Variants in ACBD6 observed in about 807,000 individuals in gnomAD.
ACBD6 encodes the protein acyl-CoA-binding domain-containing protein 6.
Under a neutral mutation model 37.2 loss-of-function variants are expected in ACBD6, and 28 were observed. The ratio of observed to expected loss-of-function variants is 0.75; its 90% CI spans 0.56 to 1.03. The LOEUF (loss-of-function observed/expected upper bound fraction) is 1.03. Ranked by LOEUF, ACBD6 falls within the 50% of genes least tolerant of loss-of-function variation. The pLI, the probability that ACBD6 is intolerant of heterozygous loss-of-function variation, is 0.00. For missense variants in ACBD6, 340 were observed against 337.4 expected (o/e 1.01, Z -0.06); for synonymous variants, 113 against 126.8 (o/e 0.89, Z 0.73).
At chr1:180,389,187 G>GA (rs1653969596) in intron 6 of ACBD6, among the ~76,000 whole-genome samples, 1 of 152,058 alleles carries the variant, frequency 6.6e-6, no homozygotes, top group Non-Finnish European at 1.5e-5. Flanking sequence ...AGAGTGTGAT[G>GA]TCCCCTTCCT....
At chr1:180,432,434 G>T (rs907351346) in intron 3 of ACBD6, among the ~76,000 whole-genome samples, 1 of 151,928 alleles carries the variant, frequency 6.6e-6, no homozygotes, top group African/African-American at 2.4e-5. Flanking sequence ...AATGAAAAAC[G>T]AGTAAAAGAT....
intron 6 of ACBD6, among the ~76,000 whole-genome samples, chr1:180,351,449 G>A (rs911759000): frequency 6.6e-6 from 1 of 151,738 alleles, no homozygotes; most frequent in Admixed American, 6.6e-5. Flanking sequence ...CTAATTTTTT[G>A]TATTTTTTAG....
chr1:180,442,695 G>A (rs1649327291), intron 3 of ACBD6, among the ~76,000 whole-genome samples: 1 of 151,780 alleles, frequency 6.6e-6, no homozygotes, highest in Non-Finnish European at 1.5e-5. Context: ...AGTTTCACTT[G>A]CTCCATCTTC....
intron 2 of ACBD6, among the ~76,000 whole-genome samples, chr1:180,493,247 C>CAAAAAAAAAAAAAAAAAAA (rs71121023): frequency 6.3e-5 from 3 of 47,794 alleles, no homozygotes; most frequent in African/African-American, 2.3e-4. Flanking sequence ...AATTCTGTCT[C>CAAAAAAAAAAAAAAAAAAA]AAAAAAAAAA....
intron 6 of ACBD6, among the ~76,000 whole-genome samples, chr1:180,362,443 G>A (rs1382041326): frequency 6.6e-6 from 1 of 151,692 alleles, no homozygotes; most frequent in Non-Finnish European, 1.5e-5. Flanking sequence ...GAAACAGGAT[G>A]GGAAAAAAAA....
intron 6 of ACBD6, among the ~76,000 whole-genome samples, chr1:180,379,459 A>C (rs978569246): frequency 3.3e-5 from 5 of 152,186 alleles, no homozygotes; most frequent in African/African-American, 7.2e-5. Flanking sequence ...ATACTAAATA[A>C]GCTCAGTGAA....
intron 3 of ACBD6, among the ~76,000 whole-genome samples, chr1:180,455,021 T>C (rs977813655): frequency 6.6e-6 from 1 of 152,184 alleles, no homozygotes; most frequent in Non-Finnish European, 1.5e-5. Context: ...CATTACTGGG[T>C]ATATACCCAA....
intron 5 of ACBD6, among the ~76,000 whole-genome samples, chr1:180,413,142 C>A (rs551137637): frequency 1.3e-5 from 2 of 152,148 alleles, no homozygotes; most frequent in Non-Finnish European, 2.9e-5. Flanking sequence ...CTATCAGACT[C>A]CTACAAATTT....
chr1:180,323,390 G>A (rs1483432518), intron 6 of ACBD6, among the ~76,000 whole-genome samples: 1 of 152,042 alleles, frequency 6.6e-6, no homozygotes, highest in African/African-American at 2.4e-5. Context: ...GTCATTCGAT[G>A]AAATGTTCTG....
At chr1:180,493,905 T>C (rs1206724854) in intron 2 of ACBD6, among the ~76,000 whole-genome samples, 1 of 152,234 alleles carries the variant, frequency 6.6e-6, no homozygotes, top group Non-Finnish European at 1.5e-5. Flanking sequence ...TACAGTGTTC[T>C]TGCCAAAAAT....
intron 6 of ACBD6, among the ~76,000 whole-genome samples, chr1:180,334,807 A>G (rs1318911411): frequency 1.3e-5 from 2 of 152,332 alleles, no homozygotes; most frequent in East Asian, 1.9e-4. Context: ...AATGCAGAGA[A>G]GTCCTTAAAG....
rs77334300 is a variant in ACBD6, at chr1:180,426,830, C to T, written c.467+3350G>A. 1.2e-4 allele frequency among the ~76,000 whole-genome samples: 18 copies of T among 152,172 alleles called. 1 individual carries two copies. The highest frequency in any genetic ancestry group is 8.3e-4 in the South Asian group (4 of 4,824). ...AAGTGAGATAAGTACTATAATTATC[C>T]CCATTTTACAGGTAAGTAACTTGCC... On this transcript the variant is annotated intron_variant, in intron 4 of 7. Transcript: ENST00000367595.
chr1:180,321,648 A>G (rs1466048239), intron 6 of ACBD6, among the ~76,000 whole-genome samples: 1 of 152,134 alleles, frequency 6.6e-6, no homozygotes, highest in African/African-American at 2.4e-5. Context: ...AGCCTGGGTG[A>G]CAGAGCAAGA....
At chr1:180,271,930 C>T (rs1397137711) in exon 14 of ACBD6, 1 of 1,613,134 alleles carries the variant, frequency 6.2e-7, no homozygotes, top group Non-Finnish European at 8.5e-7. Context: ...TCAAGAGGAG[C>T]CGGGGCAGCA....
intron 9 of ACBD6, among the ~76,000 whole-genome samples, chr1:180,279,522 T>G (rs1649243415): frequency 6.6e-6 from 1 of 152,316 alleles, no homozygotes; most frequent in Non-Finnish European, 1.5e-5. Flanking sequence ...GGTCTCGAAC[T>G]CCTGACCTCA....
chr1:180,320,805 T>A (rs1428522128), intron 6 of ACBD6, among the ~76,000 whole-genome samples: 1 of 152,198 alleles, frequency 6.6e-6, no homozygotes, highest in Non-Finnish European at 1.5e-5. Context: ...CTTGATGTGA[T>A]CTCAGTTGTT....
downstream of ACBD6, chr1:180,288,220 G>T: frequency 8.6e-7 from 1 of 1,163,472 alleles, no homozygotes; most frequent in Non-Finnish European, 1.2e-6. Flanking sequence ...GAATTGCTGA[G>T]ACTTCAAAAT....
At chr1:180,436,537 G>GT (rs1303395504) in intron 3 of ACBD6, among the ~76,000 whole-genome samples, 1 of 152,114 alleles carries the variant, frequency 6.6e-6, no homozygotes, top group East Asian at 1.9e-4. Flanking sequence ...CTTGCGTTGT[G>GT]TTTTTTTGCC....
intron 3 of ACBD6, among the ~76,000 whole-genome samples, chr1:180,452,765 A>G (rs1050848981): frequency 1.2e-4 from 18 of 152,234 alleles, no homozygotes. Flanking sequence ...ACAAGCTACT[A>G]TCAGAGAATA....
Sources: gnomAD v4.1 joint callset for allele counts (sites outside exome capture counted in the v4.1 genomes callset) on GRCh38, gnomAD v4.1.1 for gene constraint, MANE v1.5 for transcripts, NCBI Gene and HGNC (gene_info 2026-07-23, HGNC 2026-07-21) for gene names.